The following SCHIP1 variants were observed in gnomAD, a reference collection of about 807,000 sequenced individuals.
SCHIP1 encodes the protein schwannomin interacting protein 1.
SCHIP1 carries 8 observed loss-of-function variants against 29.7 expected under a neutral mutation model. The ratio of observed to expected loss-of-function variants is 0.27; its 90% CI spans 0.16 to 0.49. The LOEUF (loss-of-function observed/expected upper bound fraction) is 0.49, where lower values mean the gene tolerates loss of function less well. Ranked by LOEUF, SCHIP1 falls within the 20% of genes least tolerant of loss-of-function variation. The pLI is 0.99. For missense variants in SCHIP1, 193 were observed against 294.6 expected, an observed-to-expected ratio of 0.66 and a Z score of 2.52; for synonymous variants, 76 against 94.9, an observed-to-expected ratio of 0.80 and a Z score of 1.16.
At chr3:159,772,829 C>T in the SCHIP1 span, among the ~76,000 whole-genome samples, 1 of 152,180 alleles carries the variant, frequency 6.6e-6, no homozygotes, top group Non-Finnish European at 1.5e-5. Flanking sequence ...CAAACTCCGC[C>T]TCCCGGGTTC....
the SCHIP1 span, among the ~76,000 whole-genome samples, chr3:159,585,073 C>T: frequency 4.0e-5 from 6 of 151,612 alleles, no homozygotes; most frequent in African/African-American, 1.5e-4. Flanking sequence ...CACCCTGCCC[C>T]ACCGCATCTA....
At chr3:159,439,962 A>G in the SCHIP1 span, among the ~76,000 whole-genome samples, 3 of 152,162 alleles carry the variant, frequency 2.0e-5, no homozygotes, top group Non-Finnish European at 4.4e-5. Flanking sequence ...TGTCTTTGTC[A>G]TGAAATCTTT....
chr3:159,542,150 G>T, the SCHIP1 span, among the ~76,000 whole-genome samples: 1 of 152,188 alleles, frequency 6.6e-6, no homozygotes, highest in East Asian at 1.9e-4. Context: ...ACACAGCAAT[G>T]AAATGCAGAA....
the SCHIP1 span, among the ~76,000 whole-genome samples, chr3:159,396,646 G>T: frequency 1.3e-5 from 2 of 152,112 alleles, no homozygotes; most frequent in Non-Finnish European, 2.9e-5. Flanking sequence ...TTGAATATTG[G>T]CCCCAACTCT....
chr3:159,338,848 G>A, the SCHIP1 span, among the ~76,000 whole-genome samples: 101 of 152,240 alleles, frequency 6.6e-4, no homozygotes, highest in Non-Finnish European at 1.1e-3. Context: ...AAAAGGCTGT[G>A]CTTGAGGAAT....
At chr3:159,520,218 A>G in the SCHIP1 span, among the ~76,000 whole-genome samples, 3 of 152,126 alleles carry the variant, frequency 2.0e-5, no homozygotes, top group Admixed American at 1.3e-4. Context: ...CTGACACTGC[A>G]TGGAGAAAGA....
chr3:159,366,109 G>A, the SCHIP1 span, among the ~76,000 whole-genome samples: 1 of 152,164 alleles, frequency 6.6e-6, no homozygotes, highest in African/African-American at 2.4e-5. Context: ...GAAGGCCTCA[G>A]GAAGATTCCA....
At chr3:159,429,717 A>G in the SCHIP1 span, among the ~76,000 whole-genome samples, 1 of 152,214 alleles carries the variant, frequency 6.6e-6, no homozygotes, top group African/African-American at 2.4e-5. Context: ...GTTATGCCGT[A>G]TCATTTATGA....
At chr3:159,621,071 T>A in the SCHIP1 span, among the ~76,000 whole-genome samples, 1 of 151,988 alleles carries the variant, frequency 6.6e-6, no homozygotes, top group African/African-American at 2.4e-5. Flanking sequence ...CATCTATTAC[T>A]CACTATGATG....
chr3:159,810,179 G>A, the SCHIP1 span, among the ~76,000 whole-genome samples: 6 of 152,126 alleles, frequency 3.9e-5, no homozygotes, highest in African/African-American at 1.4e-4. Context: ...CCGAGTAGCT[G>A]GGATTACAGG....
the SCHIP1 span, among the ~76,000 whole-genome samples, chr3:159,505,787 C>T: frequency 2.2e-4 from 34 of 152,312 alleles, no homozygotes; most frequent in Non-Finnish European, 4.1e-4. Context: ...CATGTCCCTA[C>T]AAAGGAAATG....
the SCHIP1 span, among the ~76,000 whole-genome samples, chr3:159,428,785 T>G: frequency 1.4e-4 from 21 of 151,916 alleles, no homozygotes; most frequent in Admixed American, 7.9e-4. Flanking sequence ...AGCAAAGACT[T>G]GGAACCAACC....
chr3:159,825,273 C>T, the SCHIP1 span, among the ~76,000 whole-genome samples: 1 of 152,098 alleles, frequency 6.6e-6, no homozygotes, highest in Admixed American at 6.6e-5. Context: ...AAGTGTTAGC[C>T]TTACCTGGGA....
At chr3:159,499,291 A>G in the SCHIP1 span, among the ~76,000 whole-genome samples, 1 of 152,214 alleles carries the variant, frequency 6.6e-6, no homozygotes, top group African/African-American at 2.4e-5. Context: ...GATCAGTCAC[A>G]TCTATTCTCC....
chr3:159,588,809 G>T, the SCHIP1 span, among the ~76,000 whole-genome samples: 1 of 152,162 alleles, frequency 6.6e-6, no homozygotes, highest in Non-Finnish European at 1.5e-5. Flanking sequence ...GCTCTGTTCT[G>T]TTCCATTGGT....
the SCHIP1 span, among the ~76,000 whole-genome samples, chr3:159,336,536 G>A: frequency 2.0e-5 from 3 of 152,218 alleles, no homozygotes; most frequent in East Asian, 5.8e-4. Flanking sequence ...TGTAAGGAAG[G>A]GATCCAGTTT....
the SCHIP1 span, among the ~76,000 whole-genome samples, chr3:159,590,098 G>A: frequency 6.6e-6 from 1 of 152,196 alleles, no homozygotes; most frequent in East Asian, 1.9e-4. Flanking sequence ...GGGGCCCCAT[G>A]CTTTGCTGAA....
upstream of SCHIP1, among the ~76,000 whole-genome samples, chr3:159,837,040 C>A (rs1743730851): frequency 6.6e-6 from 1 of 151,878 alleles, no homozygotes; most frequent in Non-Finnish European, 1.5e-5. Flanking sequence ...TCTGTTCTCC[C>A]TAGAGCCACC....
chr3:159,874,968 G>A (rs1715637622), intron 2 of SCHIP1, among the ~76,000 whole-genome samples: 1 of 147,630 alleles, frequency 6.8e-6, no homozygotes, highest in Admixed American at 6.8e-5. Flanking sequence ...GCAAATGGTA[G>A]CTAATGATGA....
Sources: gnomAD v4.1 joint callset for allele counts (sites outside exome capture counted in the v4.1 genomes callset) on GRCh38, gnomAD v4.1.1 for gene constraint, MANE v1.5 for transcripts, NCBI Gene and HGNC (gene_info 2026-07-23, HGNC 2026-07-21) for gene names.